Variants in UNC79 observed in about 807,000 individuals in gnomAD.
UNC79 encodes unc-79 subunit of NALCN channel complex, also known as protein unc-79 homolog.
In UNC79, 37 loss-of-function variants were observed where a neutral mutation model predicts 283.1. The ratio of observed to expected loss-of-function variants is 0.13; its 90% CI spans 0.10 to 0.17. UNC79 has a LOEUF of 0.17. Among genes scored for constraint, UNC79 ranks in the 10% least tolerant of loss-of-function variants. The probability of loss-of-function intolerance (pLI) is 1.00; values close to 1 mark genes in which losing one functional copy is unlikely to be tolerated. For synonymous variants in UNC79, 1,107 were observed against 1,200.2 expected (o/e 0.92, Z 1.61); for missense variants, 2,272 against 3,211.1 (o/e 0.71, Z 7.07).
At chr14:93,447,595 G>A (rs2056502055) in intron 1 of UNC79, among the ~76,000 whole-genome samples, 1 of 151,378 alleles carries the variant, frequency 6.6e-6, no homozygotes, top group Admixed American at 6.6e-5. Flanking sequence ...TTTTTCTGAG[G>A]ACTCAAGTTT....
intron 4 of UNC79, 66 bp downstream of exon 4, chr14:93,477,794 T>G: frequency 6.8e-7 from 1 of 1,473,556 alleles, no homozygotes; most frequent in Middle Eastern, 1.8e-4. Flanking sequence ...TTGCTTTTGC[T>G]GTTATAGGCT....
intron 1 of UNC79, among the ~76,000 whole-genome samples, chr14:93,397,796 C>A (rs1471657977): frequency 7.2e-6 from 1 of 138,736 alleles, no homozygotes; most frequent in Non-Finnish European, 1.5e-5. Context: ...TGGTGGTGTG[C>A]ACCTGGAATT....
chr14:93,375,555 T>C (rs2054538375), intron 1 of UNC79, among the ~76,000 whole-genome samples: 1 of 152,132 alleles, frequency 6.6e-6, no homozygotes, highest in Non-Finnish European at 1.5e-5. Flanking sequence ...AAAAGAGGTT[T>C]AATTGGCTCA....
At chr14:93,497,036 C>T in intron 6 of UNC79, 121 bp from the exon 7 acceptor site, 2 of 1,058,002 alleles carry the variant, frequency 1.9e-6, no homozygotes, top group Admixed American at 2.6e-5. Context: ...CATGAGATTC[C>T]AGGGAAATTA....
intron 1 of UNC79, among the ~76,000 whole-genome samples, chr14:93,336,178 G>C (rs2053574552): frequency 6.6e-6 from 1 of 152,080 alleles, no homozygotes; most frequent in Admixed American, 6.5e-5. Flanking sequence ...AAGGAGAAAA[G>C]ACAAATTTTA....
chr14:93,590,483 G>T (rs920585767), intron 22 of UNC79, among the ~76,000 whole-genome samples: 1 of 152,124 alleles, frequency 6.6e-6, no homozygotes, highest in African/African-American at 2.4e-5. Flanking sequence ...CGAGAGTTAG[G>T]CAGACGCTCC....
At chr14:93,630,667 A>G in intron 30 of UNC79, 134 bp from the exon 33 acceptor site, 1 of 657,402 alleles carries the variant, frequency 1.5e-6, no homozygotes, top group Admixed American at 2.7e-5. Flanking sequence ...AATTCCATGA[A>G]AGTAATTATT....
chr14:93,344,680 A>G (rs567652449), intron 1 of UNC79, among the ~76,000 whole-genome samples: 18 of 152,378 alleles, frequency 1.2e-4, no homozygotes, highest in Non-Finnish European at 1.9e-4. Flanking sequence ...AAACAGAGCA[A>G]TGTTGCACTA....
intron 40 of UNC79, among the ~76,000 whole-genome samples, chr14:93,671,773 AAAAC>A (rs1422667267): frequency 3.3e-5 from 5 of 152,152 alleles, no homozygotes; most frequent in Non-Finnish European, 5.9e-5. Flanking sequence ...ACCCTGTCTA[AAAAC>A]AAACAAGCAA....
At chr14:93,457,255 T>C (rs906100315) in intron 1 of UNC79, among the ~76,000 whole-genome samples, 3 of 152,248 alleles carry the variant, frequency 2.0e-5, no homozygotes, top group African/African-American at 4.8e-5. Flanking sequence ...AGACTTTTTC[T>C]GATCTGAAGG....
chr14:93,627,976 A>C (rs890248940), intron 30 of UNC79, among the ~76,000 whole-genome samples: 1 of 152,200 alleles, frequency 6.6e-6, no homozygotes. Flanking sequence ...GAACTGCTAG[A>C]GCCTCCTGAC....
chr14:93,337,550 C>T (rs554037550), intron 1 of UNC79, among the ~76,000 whole-genome samples: 1 of 152,338 alleles, frequency 6.6e-6, no homozygotes, highest in East Asian at 1.9e-4. Context: ...GCCCTCCTGC[C>T]CTCTGCAGGT....
intron 1 of UNC79, among the ~76,000 whole-genome samples, chr14:93,339,222 C>T (rs1679962504): frequency 6.6e-6 from 1 of 152,128 alleles, no homozygotes; most frequent in South Asian, 2.1e-4. Context: ...TAGAGTGTAA[C>T]CCTTTACTAT....
chr14:93,444,739 TA>T (rs201666928), intron 1 of UNC79, among the ~76,000 whole-genome samples: 2,055 of 152,294 alleles, frequency 0.013, 55 homozygotes, highest in African/African-American at 0.047. Flanking sequence ...CTCTGGACTC[TA>T]TTTTGTTTCT....
chr14:93,630,232 A>G (rs2067913695), intron 30 of UNC79, among the ~76,000 whole-genome samples: 1 of 152,386 alleles, frequency 6.6e-6, no homozygotes, highest in South Asian at 2.1e-4. Flanking sequence ...GCAAGGAAAC[A>G]GACAATTAGA....
At position 93,524,335 on chromosome 14, in the gene UNC79, A is replaced by G. The variant is rs576243042; in HGVS notation, c.963+293A>G. ...CTTACATGGTCCTTAACTGGTTTCTATTTCAGCTAATGAACTCAGGGAAAT... is the reference window on the plus strand; with the variant it reads ...CTTACATGGTCCTTAACTGGTTTCTGTTTCAGCTAATGAACTCAGGGAAAT... On this transcript the variant is annotated intron_variant, in intron 8 of 48. Coordinates refer to ENST00000555664, the Ensembl canonical transcript of UNC79. 1.6e-4 allele frequency among the ~76,000 whole-genome samples: 25 copies of G among 152,316 alleles called. No homozygotes were observed. The South Asian group carries it at 4.3e-3, about 27-fold the overall frequency.
chr14:93,384,630 A>G (rs1323869562), intron 1 of UNC79, among the ~76,000 whole-genome samples: 1 of 151,994 alleles, frequency 6.6e-6, no homozygotes, highest in African/African-American at 2.4e-5. Flanking sequence ...GTTTGCAAAT[A>G]TTTTCTCCCA....
At chr14:93,466,904 G>A (rs2057209248) in intron 1 of UNC79, 1 of 985,264 alleles carries the variant, frequency 1.0e-6, no homozygotes, top group South Asian at 4.7e-5. Context: ...CTCCAGGTAG[G>A]TCTAGGAGGG....
chr14:93,580,413 T>C (rs764579508), intron 19 of UNC79, 37 bp downstream of exon 19: 28 of 1,592,544 alleles, frequency 1.8e-5, no homozygotes, highest in Non-Finnish European at 2.3e-5. Flanking sequence ...CCATGTATAA[T>C]AGCATTAAAG....
Sources: gnomAD v4.1 joint callset for allele counts (sites outside exome capture counted in the v4.1 genomes callset) on GRCh38, gnomAD v4.1.1 for gene constraint, MANE v1.5 for transcripts, NCBI Gene and HGNC (gene_info 2026-07-23, HGNC 2026-07-21) for gene names.